CASQ2: variants seen among roughly 807,000 people sequenced by gnomAD.
The protein encoded by CASQ2 is calsequestrin-2.
A neutral mutation model predicts 46.5 loss-of-function variants in CASQ2; 49 were observed. That is an observed-to-expected ratio of 1.05 (90% CI 0.84 to 1.34). The LOEUF (loss-of-function observed/expected upper bound fraction) is 1.34. Among genes scored for constraint, CASQ2 ranks in the 40% most tolerant of loss-of-function variants. The pLI, the probability that CASQ2 is intolerant of heterozygous loss-of-function variation, is 0.00. For synonymous variants in CASQ2, 174 were observed against 168.5 expected, an observed-to-expected ratio of 1.03 and a Z score of -0.25; for missense variants, 486 against 481.3, an observed-to-expected ratio of 1.01 and a Z score of -0.09.
intron 8 of CASQ2, among the ~76,000 whole-genome samples, chr1:115,715,765 T>G (rs532360181): frequency 6.6e-6 from 1 of 152,282 alleles, no homozygotes; most frequent in African/African-American, 2.4e-5. Flanking sequence ...TGGAGGCTAT[T>G]AGTGTATTGC....
At chr1:115,733,046 G>A (rs931551564) in intron 4 of CASQ2, 72 bp from the exon 5 acceptor site, 4 of 1,090,060 alleles carry the variant, frequency 3.7e-6, no homozygotes, top group Admixed American at 3.5e-5. Flanking sequence ...TTTTTAAATG[G>A]TGTAGAGAGT....
intron 2 of CASQ2, among the ~76,000 whole-genome samples, chr1:115,742,376 G>A (rs7554304): frequency 0.91 from 138,888 of 152,174 alleles, 63,996 homozygotes; most frequent in South Asian, 0.98. Context: ...GAGCAAAACC[G>A]CAGTAAGAAG....
intron 9 of CASQ2, 41 bp from the exon 10 acceptor site, chr1:115,703,036 G>A (rs1654258048): frequency 6.6e-7 from 1 of 1,521,850 alleles, no homozygotes; most frequent in Non-Finnish European, 9.0e-7. Context: ...CAGGCAGAGG[G>A]CATTCTCTGT....
At chr1:115,731,343 A>G (rs1215759543) in intron 5 of CASQ2, among the ~76,000 whole-genome samples, 1 of 152,176 alleles carries the variant, frequency 6.6e-6, no homozygotes, top group African/African-American at 2.4e-5. Context: ...GGACAAATTA[A>G]TTGGCCTGCC....
At position 115,734,043 on chromosome 1, in the gene CASQ2, C is replaced by T. The variant is rs75602282; in HGVS notation, c.533-1069G>A. 4.2e-3 allele frequency among the ~76,000 whole-genome samples: 636 copies of T among 152,212 alleles called. 3 individuals carry two copies. Among genetic ancestry groups the T allele is most frequent in the African/African-American group, 0.015 (614 of 41,514 alleles). On this transcript the variant is annotated intron_variant, in intron 4 of 10. Coordinates refer to ENST00000261448, the MANE Select transcript of CASQ2 (RefSeq NM_001232.4). ...TAGTTGTTACAACAGAGGTGAGTGCCGCAAGCACAGGTGAGAGAGGGGTTG... is the reference window on the plus strand; with the variant it reads ...TAGTTGTTACAACAGAGGTGAGTGCTGCAAGCACAGGTGAGAGAGGGGTTG...
chr1:115,751,587 G>T (rs563636321), intron 1 of CASQ2, among the ~76,000 whole-genome samples: 1 of 152,200 alleles, frequency 6.6e-6, no homozygotes, highest in African/African-American at 2.4e-5. Context: ...TAGGAGAATG[G>T]CGTGAGCCCT....
chr1:115,748,354 T>C (rs368150741), intron 1 of CASQ2, among the ~76,000 whole-genome samples: 1 of 152,244 alleles, frequency 6.6e-6, no homozygotes, highest in East Asian at 1.9e-4. Context: ...CCTTTTCATC[T>C]GTTCCCAGCC....
At chr1:115,704,389 C>T (rs1056730580) in intron 9 of CASQ2, among the ~76,000 whole-genome samples, 1 of 152,208 alleles carries the variant, frequency 6.6e-6, no homozygotes, top group East Asian at 1.9e-4. Context: ...GCTTTAACCT[C>T]CCCAGCTATC....
intron 7 of CASQ2, among the ~76,000 whole-genome samples, chr1:115,723,545 CTT>C (rs1032022424): frequency 1.3e-5 from 2 of 148,830 alleles, no homozygotes; most frequent in African/African-American, 4.9e-5. Context: ...TAATAAGACT[CTT>C]TTTTTTTTGA....
intron 5 of CASQ2, among the ~76,000 whole-genome samples, chr1:115,729,234 G>A (rs12751378): frequency 7.9e-5 from 12 of 151,924 alleles, no homozygotes; most frequent in Middle Eastern, 6.8e-3. Context: ...ATTTTTAGTA[G>A]AGATGGGGTT....
At chr1:115,758,869 A>G (rs1466633468) in intron 1 of CASQ2, among the ~76,000 whole-genome samples, 1 of 152,220 alleles carries the variant, frequency 6.6e-6, no homozygotes, top group Non-Finnish European at 1.5e-5. Flanking sequence ...TGTGAGCCAA[A>G]TAAACCTTTT....
intron 8 of CASQ2, among the ~76,000 whole-genome samples, chr1:115,706,591 T>C (rs977600897): frequency 6.6e-6 from 1 of 151,890 alleles, no homozygotes; most frequent in African/African-American, 2.4e-5. Context: ...ACACTCAAAA[T>C]TGAAATTTAG....
chr1:115,760,989 T>C (rs1648915364), intron 1 of CASQ2, among the ~76,000 whole-genome samples: 2 of 152,312 alleles, frequency 1.3e-5, no homozygotes, highest in Admixed American at 6.5e-5. Context: ...CCTGTTTTCA[T>C]TTAATTCTCC....
chr1:115,737,770 C>T (rs936069365), intron 4 of CASQ2, among the ~76,000 whole-genome samples: 6 of 152,130 alleles, frequency 3.9e-5, no homozygotes, highest in Admixed American at 6.5e-5. Flanking sequence ...GCTTGGCCAG[C>T]GATTTTTCAC....
At chr1:115,745,446 G>A (rs1648356588) in intron 1 of CASQ2, among the ~76,000 whole-genome samples, 1 of 152,156 alleles carries the variant, frequency 6.6e-6, no homozygotes, top group Non-Finnish European at 1.5e-5. Context: ...GTTTCCTGAA[G>A]CACACTGAGA....
intron 5 of CASQ2, among the ~76,000 whole-genome samples, chr1:115,731,683 G>T (rs1647788793): frequency 6.6e-6 from 1 of 152,168 alleles, no homozygotes; most frequent in Non-Finnish European, 1.5e-5. Context: ...GCTGGTCTGA[G>T]ATTATAGCAA....
intron 1 of CASQ2, among the ~76,000 whole-genome samples, chr1:115,745,632 C>T (rs7528022): frequency 6.6e-6 from 1 of 151,958 alleles, no homozygotes; most frequent in Admixed American, 6.6e-5. Flanking sequence ...AGCAAGTAGG[C>T]AATACTTGCT....
At chr1:115,722,715 C>T (rs758023015) in intron 7 of CASQ2, among the ~76,000 whole-genome samples, 21 of 152,148 alleles carry the variant, frequency 1.4e-4, no homozygotes, top group Non-Finnish European at 2.6e-4. Context: ...CCATGAAAGA[C>T]GAAGACCAAG....
At chr1:115,711,330 A>G (rs1327929477) in intron 8 of CASQ2, among the ~76,000 whole-genome samples, 1 of 152,094 alleles carries the variant, frequency 6.6e-6, no homozygotes, top group African/African-American at 2.4e-5. Flanking sequence ...CACAGCTTAG[A>G]GGTTGTGTCT....
Sources: allele counts gnomAD v4.1 joint callset (sites outside exome capture counted in the v4.1 genomes callset), GRCh38; gene constraint gnomAD v4.1.1; transcripts MANE v1.5; gene names NCBI Gene and HGNC (gene_info 2026-07-23, HGNC 2026-07-21).